PARP10: variants seen among roughly 807,000 people sequenced by gnomAD.
The protein encoded by PARP10 is protein mono-ADP-ribosyltransferase PARP10.
PARP10 carries 56 observed loss-of-function variants against 82.4 expected under a neutral mutation model. The ratio of observed to expected loss-of-function variants is 0.68; its 90% CI spans 0.55 to 0.85. The LOEUF is 0.85. PARP10 is among the 40% of genes least tolerant of loss of function. The pLI, the probability that PARP10 is intolerant of heterozygous loss-of-function variation, is 0.00. For missense variants in PARP10, 1,227 were observed against 1,379.4 expected (o/e 0.89, Z 1.75); for synonymous variants, 576 against 601.1 (o/e 0.96, Z 0.61).
chr8:143,991,268 TC>T (rs1554750377), upstream of PARP10: 14 of 1,552,632 alleles, frequency 9.0e-6, no homozygotes, highest in South Asian at 2.3e-5. Context: ...ACAACTATCC[TC>T]CCCCCAACCC....
Position 143,983,455 on chromosome 8 carries a change from G to A in PARP10, c.2134C>T (p.His712Tyr). ...GTDGKAQLVVHSAFEQDVEEL... is the reference protein window; with the variant it reads ...GTDGKAQLVVYSAFEQDVEEL... ...TCCACATCCTGCTCAAAGGCCGAGTGCACCACCAGCTGGGCCTTGCCATCA... is the reference window on the plus strand; with the variant it reads ...TCCACATCCTGCTCAAAGGCCGAGTACACCACCAGCTGGGCCTTGCCATCA... The change falls in exon 8 of 11, where the codon CAC becomes TAC. Residue 712 changes from histidine to tyrosine, a missense_variant. Transcript: ENST00000313028. 6.2e-7 allele frequency: 1 copy of A among 1,606,298 alleles called. No individual in the cohort carries two copies.
rs782698203 is a variant in PARP10, at chr8:143,977,969, G to A, written c.2669C>T (p.Thr890Met). Residue 890 changes from threonine (T) to methionine (M), a missense_variant, in exon 10 of 11, where the codon ACG (threonine) becomes ATG (methionine). Thr to Met is a moderately conservative substitution (Grantham distance 81). Transcript: ENST00000313028. ...PVEQVLYHGT[T>M]APAVPDICAH... ...GCAGATGTCAGGCACTGCCGGTGCC[G>A]TCGTGCCGTGGTACAGCACCTGCTC... 31 of 1,599,036 alleles carry A rather than the reference G, an allele frequency of 1.9e-5. No homozygotes were observed. The highest frequency in any genetic ancestry group is 3.3e-5 in the Admixed American group (2 of 59,862).
chr8:143,995,127 C>G (rs148401295), upstream of PARP10, among the ~76,000 whole-genome samples: 1 of 152,180 alleles, frequency 6.6e-6, no homozygotes, highest in Non-Finnish European at 1.5e-5. Context: ...GGAGGGTCCA[C>G]AGCAAAGACC....
chr8:143,977,877 G>A, intron 10 of PARP10, 30 bp downstream of exon 10: 1 of 1,597,948 alleles, frequency 6.3e-7, no homozygotes, highest in Non-Finnish European at 8.5e-7. Context: ...GGTGCGCAGA[G>A]CCCCCGCCCC....
chr8:143,998,031 G>A lies in PARP10; in HGVS notation c.-79-11593C>T, dbSNP rs782500963. 1.7e-4 allele frequency among the ~76,000 whole-genome samples: 26 copies of A among 152,186 alleles called. No individual in the cohort carries two copies. The East Asian group carries it at 3.1e-3, about 18-fold the overall frequency. On this transcript the variant is annotated intron_variant, in intron 1 of 3. Coordinates refer to the PARP10 transcript ENST00000530478. ...TGTTCTCAAACTCCTGGGTTCAAGC[G>A]ATCCTCCCAACTTGGCCTCCCAAAG...
intron 1 of PARP10, among the ~76,000 whole-genome samples, chr8:143,999,875 C>CA (rs1298198942): frequency 3.3e-5 from 5 of 151,936 alleles, no homozygotes; most frequent in Admixed American, 2.6e-4. Context: ...TCCTAAAACT[C>CA]ACGAAGAGAA....
At chr8:143,979,786 G>T (rs1352618845) in intron 9 of PARP10, among the ~76,000 whole-genome samples, 3 of 152,196 alleles carry the variant, frequency 2.0e-5, no homozygotes, top group African/African-American at 7.2e-5. Context: ...AGCACTTTGG[G>T]AGGCCGAGGT....
chr8:144,000,058 A>G (rs1554751598), intron 1 of PARP10, among the ~76,000 whole-genome samples: 3 of 152,166 alleles, frequency 2.0e-5, no homozygotes, highest in African/African-American at 7.2e-5. Flanking sequence ...ATCTACCAAG[A>G]CTTGCATAAA....
Position 143,977,395 on chromosome 8 carries a change from C to A in PARP10, c.*89G>T. 1 of 1,262,666 alleles carries A rather than the reference C, an allele frequency of 7.9e-7. No homozygotes were observed. Among genetic ancestry groups the A allele is most frequent in the Non-Finnish European group, 1.1e-6 (1 of 932,734 alleles). The allele number at this position is 1,262,666 out of a possible 1,614,324, so 78.2% of individuals were successfully genotyped here. ...GAGGCAGGGGCGTCCCCGGGGACAG[C>A]TCAGGCGGCCACAGTTGGGGGCGGG... On this transcript the variant is annotated 3_prime_UTR_variant, in exon 11 of 11. Coordinates refer to ENST00000313028, the MANE Select transcript of PARP10 (RefSeq NM_032789.5).
At position 144,008,686 on chromosome 8, in the gene PARP10, G is replaced by T. The variant is rs1834250984; in HGVS notation, c.-80+3844C>A. 2.0e-5 allele frequency among the ~76,000 whole-genome samples: 3 copies of T among 152,294 alleles called. No individual in the cohort carries two copies. In the South Asian group the frequency reaches 6.2e-4, roughly 32 times the overall value. ...GCTCAGAAGGGCAGGACTGAGAGCA[G>T]CATAGAGAGGCCCAGTGTCTCTCAC... On this transcript the variant is annotated intron_variant, in intron 1 of 3. Coordinates refer to the PARP10 transcript ENST00000530478. The surrounding 1 kb of genome is among the most constrained non-coding windows in gnomAD (Gnocchi z 4.0).
In PARP10 at chr8:143,983,800, C is replaced by T. The variant is rs782473054; in HGVS notation, c.1789G>A (p.Glu597Lys). The T allele has an allele frequency of 6.9e-6, 11 of 1,586,102 alleles. No individual in the cohort carries two copies. The highest frequency in any genetic ancestry group is 1.7e-5 in the Admixed American group (1 of 58,210). The change falls in exon 8 of 11, where the codon GAA (glutamate) becomes AAA (lysine). Residue 597 changes from glutamate (E) to lysine (K), a missense_variant. Physicochemically the swap from Glu to Lys is moderately conservative, Grantham distance 56 (BLOSUM62 1). Transcript: ENST00000313028. ...QEDVSLEEVRELLATLEGLDL... is the reference protein window; with the variant it reads ...QEDVSLEEVRKLLATLEGLDL... Reference sequence around the variant, plus strand: ...AGGCCCTCCAGGGTGGCCAGCAGTTCTCGGACCTCCTCTGGGGGCAGGGAG... The same window carrying T: ...AGGCCCTCCAGGGTGGCCAGCAGTTTTCGGACCTCCTCTGGGGGCAGGGAG...
In PARP10 at chr8:143,985,477, G is replaced by A. The variant is rs1554749078; in HGVS notation, c.608C>T (p.Pro203Leu). The A allele has an allele frequency of 1.2e-6, 2 of 1,613,424 alleles. No homozygotes were observed. The highest frequency in any genetic ancestry group is 1.1e-5 in the South Asian group (1 of 91,030). Residue 203 changes from proline to leucine, a missense_variant, in exon 4 of 11, where the codon CCC becomes CTC. Coordinates refer to ENST00000313028, the MANE Select transcript of PARP10 (RefSeq NM_032789.5). ...LENERRSGGGPLEDLQRLPGP... is the reference protein window; with the variant it reads ...LENERRSGGGLLEDLQRLPGP... ...GGGTAGGCGTTGCAGGTCCTCCAGG[G>A]GCCCCCCACCACTGCGGCGCTCATT...
chr8:143,992,706 C>T (rs2133066713), upstream of PARP10: 2 of 1,613,974 alleles, frequency 1.2e-6, no homozygotes, highest in South Asian at 1.1e-5. Context: ...TCGCAGTGGA[C>T]ACCCAGCTGC....
chr8:143,985,998 A>C, intron 2 of PARP10, 23 bp from the exon 3 acceptor site: 1 of 1,600,022 alleles, frequency 6.2e-7, no homozygotes, highest in East Asian at 2.2e-5. Context: ...GCGGGGCAGG[A>C]TGTCAGGCAT....
chr8:143,983,729 TTCC>T lies in PARP10; in HGVS notation c.1857_1859del (p.Glu620del), dbSNP rs781885315. On this transcript the variant is annotated inframe_deletion, in exon 8 of 11. Transcript: ENST00000313028. ...CCTCCTCTGGCTGCTCCTGAGGCCC[TTCC>T]TCCTCCAGCTCCCGAGGCAGCCAGT... 32 of 1,610,860 alleles carry T rather than the reference TTCC, an allele frequency of 2.0e-5. 1 individual carries two copies. In the South Asian group the frequency reaches 3.0e-4, roughly 15 times the overall value.
chr8:144,004,666 G>A (rs567670632), intron 1 of PARP10, among the ~76,000 whole-genome samples: 1 of 152,326 alleles, frequency 6.6e-6, no homozygotes, highest in Admixed American at 6.5e-5. Flanking sequence ...AGTCTATGCT[G>A]ATTCAGTTGA....
chr8:143,986,596 C>T, upstream of PARP10: 8 of 637,936 alleles, frequency 1.3e-5, no homozygotes, highest in South Asian at 1.6e-4. Context: ...AGGCTGGACC[C>T]CTCAGGACCC....
rs1587479223 is a variant in PARP10, at chr8:144,011,173, A to G, written c.-80+1357T>C. Among the ~76,000 whole-genome samples the G allele has an allele frequency of 6.6e-6, 1 of 152,266 alleles. No individual in the cohort carries two copies. Among genetic ancestry groups the G allele is most frequent in the East Asian group, 1.9e-4 (1 of 5,174 alleles). On this transcript the variant is annotated intron_variant, in intron 1 of 3. Transcript: ENST00000530478. This position sits in a 1 kb window ranked among gnomAD's most constrained non-coding sequence, Gnocchi z 4.5. ...AATGTAACCATCACTGACTGCATCAACCCAAGAGGCTAACAGTGAAATAAG... is the reference window on the plus strand; with the variant it reads ...AATGTAACCATCACTGACTGCATCAGCCCAAGAGGCTAACAGTGAAATAAG...
intron 1 of PARP10, among the ~76,000 whole-genome samples, chr8:144,004,636 G>A (rs989595846): frequency 6.6e-6 from 1 of 152,224 alleles, no homozygotes; most frequent in South Asian, 2.1e-4. Flanking sequence ...AGAGATTCCT[G>A]ATGAAAATTC....
Sources: gnomAD v4.1 joint callset for allele counts (sites outside exome capture counted in the v4.1 genomes callset) on GRCh38, gnomAD v4.1.1 for gene constraint, Gnocchi (gnomAD v3.1) non-coding constraint, MANE v1.5 for transcripts, NCBI Gene and HGNC (gene_info 2026-07-23, HGNC 2026-07-21) for gene names.